KAZN: variants seen among roughly 807,000 people sequenced by gnomAD.
KAZN encodes kazrin.
A neutral mutation model predicts 87.4 loss-of-function variants in KAZN; 40 were observed. The ratio of observed to expected loss-of-function variants is 0.46; its 90% confidence interval spans 0.36 to 0.60. The LOEUF is 0.60. KAZN is among the 20% of genes least tolerant of loss of function. KAZN has a pLI of 0.00. For synonymous variants in KAZN, 466 were observed against 458.3 expected, an observed-to-expected ratio of 1.02 and a Z score of -0.22; for missense variants, 898 against 1,073.9, an observed-to-expected ratio of 0.84 and a Z score of 2.29.
At chr1:14,171,265 T>A (rs1324177247) in intron 1 of KAZN, among the ~76,000 whole-genome samples, 4 of 152,198 alleles carry the variant, frequency 2.6e-5, no homozygotes, top group African/African-American at 9.7e-5. Flanking sequence ...TGTGTGAGTG[T>A]TTGCTAGAAC....
At chr1:14,857,978 C>T (rs1169683374) in intron 1 of KAZN, among the ~76,000 whole-genome samples, 2 of 152,148 alleles carry the variant, frequency 1.3e-5, no homozygotes, top group South Asian at 2.1e-4. Context: ...ACTTCCCAGC[C>T]GCAGGCACCC....
intron 2 of KAZN, among the ~76,000 whole-genome samples, chr1:14,399,539 T>A (rs1571525802): frequency 6.6e-6 from 1 of 152,066 alleles, no homozygotes; most frequent in Non-Finnish European, 1.5e-5. Context: ...CAGCCACCCA[T>A]TAGGACCAAT....
At chr1:14,244,599 G>A (rs374819679) in intron 2 of KAZN, among the ~76,000 whole-genome samples, 1 of 152,198 alleles carries the variant, frequency 6.6e-6, no homozygotes, top group East Asian at 1.9e-4. Context: ...AAGTGCTTGG[G>A]GGAAATGAAA....
At chr1:14,249,753 C>G (rs1649841745) in intron 2 of KAZN, among the ~76,000 whole-genome samples, 1 of 152,090 alleles carries the variant, frequency 6.6e-6, no homozygotes, top group Admixed American at 6.5e-5. Context: ...CCTGATTGGC[C>G]AGGTGGGGCT....
At chr1:14,107,535 C>A (rs1644404755) in intron 1 of KAZN, among the ~76,000 whole-genome samples, 1 of 152,088 alleles carries the variant, frequency 6.6e-6, no homozygotes, top group Non-Finnish European at 1.5e-5. Context: ...ACTAGGGGGA[C>A]CTTAAGGAAG....
chr1:14,146,216 G>A (rs1480781673), intron 1 of KAZN, among the ~76,000 whole-genome samples: 1 of 151,266 alleles, frequency 6.6e-6, no homozygotes, highest in Admixed American at 6.6e-5. Flanking sequence ...CTTATTTACT[G>A]GAGGATTCCA....
chr1:14,473,806 AC>A (rs1668580196), intron 2 of KAZN, among the ~76,000 whole-genome samples: 1 of 152,058 alleles, frequency 6.6e-6, no homozygotes, highest in Admixed American at 6.5e-5. Flanking sequence ...GCATGTGTCT[AC>A]CACAGGGCCT....
intron 1 of KAZN, among the ~76,000 whole-genome samples, chr1:14,034,251 A>T (rs998265029): frequency 2.0e-5 from 3 of 152,094 alleles, no homozygotes; most frequent in Admixed American, 6.5e-5. Flanking sequence ...GCCAATTTAG[A>T]TGTAGGAGGA....
intron 2 of KAZN, among the ~76,000 whole-genome samples, chr1:14,240,282 G>T (rs1390989859): frequency 6.6e-6 from 1 of 152,212 alleles, no homozygotes; most frequent in African/African-American, 2.4e-5. Flanking sequence ...ATGTGGTGAG[G>T]TCAGCTCCCT....
chr1:15,071,608 G>A (rs1209164634), intron 8 of KAZN, among the ~76,000 whole-genome samples: 1 of 152,178 alleles, frequency 6.6e-6, no homozygotes, highest in East Asian at 1.9e-4. Context: ...TCAAAGTCCC[G>A]TGGCTGGAAA....
At chr1:14,417,832 T>C (rs151236667) in intron 2 of KAZN, among the ~76,000 whole-genome samples, 2,450 of 150,876 alleles carry the variant, frequency 0.016, 22 homozygotes, top group South Asian at 0.037. Context: ...CCATCCCTAC[T>C]AAAAATAGAA....
At chr1:14,048,372 A>T (rs1380769929) in intron 1 of KAZN, among the ~76,000 whole-genome samples, 2 of 150,718 alleles carry the variant, frequency 1.3e-5, no homozygotes, top group Admixed American at 6.7e-5. Flanking sequence ...TACAGCAACC[A>T]AACTAATGTC....
At chr1:15,043,343 C>G (rs4661567) in intron 3 of KAZN, among the ~76,000 whole-genome samples, 21,112 of 152,240 alleles carry the variant, frequency 0.14, 1,746 homozygotes, top group Admixed American at 0.2. Context: ...TAAGTATTTC[C>G]CGCACGTGAA....
At chr1:15,065,786 G>A (rs527375276) in intron 8 of KAZN, 33 bp downstream of exon 8, 72 of 1,611,368 alleles carry the variant, frequency 4.5e-5, no homozygotes, top group East Asian at 1.3e-4. Context: ...AGAGGAGGAC[G>A]CGGACTGGTG....
intron 1 of KAZN, among the ~76,000 whole-genome samples, chr1:14,086,285 A>G (rs1643851915): frequency 1.3e-5 from 2 of 152,180 alleles, no homozygotes; most frequent in South Asian, 2.1e-4. Flanking sequence ...TGCATTACCT[A>G]TGAACCCATC....
rs963375779 is a variant in KAZN at position 14,050,866 on chromosome 1, G to T, written c.92-129569G>T. Among the ~76,000 whole-genome samples, 19 of 152,198 alleles carry T rather than the reference G, an allele frequency of 1.2e-4. 1 individual carries two copies. Among genetic ancestry groups the T allele is most frequent in the Admixed American group, 1.2e-3 (18 of 15,278 alleles). On this transcript the variant is annotated intron_variant, in intron 1 of 16. Transcript: ENST00000636203. The stretch of plus-strand genomic sequence containing the variant: ...CTGCCGCATCCTCAGAACAAAGCAG[G>T]TGGCTGAGAGTATTGTCTGGAAAAT...
At chr1:14,606,662 A>G (rs1289033283) in intron 1 of KAZN, among the ~76,000 whole-genome samples, 2 of 151,902 alleles carry the variant, frequency 1.3e-5, no homozygotes, top group Non-Finnish European at 2.9e-5. Context: ...GCACCCCAAG[A>G]CCATGCCCAA....
intron 2 of KAZN, among the ~76,000 whole-genome samples, chr1:14,471,527 C>T (rs1668452136): frequency 6.6e-6 from 1 of 152,024 alleles, no homozygotes; most frequent in Non-Finnish European, 1.5e-5. Context: ...AATGGAAGAA[C>T]CATTGGGGAA....
At chr1:14,701,937 G>A (rs1479805591) in intron 1 of KAZN, among the ~76,000 whole-genome samples, 1 of 152,138 alleles carries the variant, frequency 6.6e-6, no homozygotes, top group Non-Finnish European at 1.5e-5. Context: ...TCTGGTCTCA[G>A]TATCTCTGCC....
Sources: allele counts gnomAD v4.1 joint callset (sites outside exome capture counted in the v4.1 genomes callset), GRCh38; gene constraint gnomAD v4.1.1; transcripts MANE v1.5; gene names NCBI Gene and HGNC (gene_info 2026-07-23, HGNC 2026-07-21).